Variants in ANO2 observed in about 807,000 individuals in gnomAD.
ANO2 encodes the protein anoctamin-2.
In ANO2, 101 loss-of-function variants were observed where a neutral mutation model predicts 124.2. The ratio of observed to expected loss-of-function variants is 0.81; its 90% confidence interval spans 0.69 to 0.96. ANO2 has a LOEUF of 0.96. ANO2 is among the 40% of genes least tolerant of loss of function. The probability of loss-of-function intolerance (pLI) is 0.00; values close to 1 mark genes in which losing one functional copy is unlikely to be tolerated. For missense variants in ANO2, 1,293 were observed against 1,274.5 expected (o/e 1.01, Z -0.22); for synonymous variants, 486 against 482.5 (o/e 1.01, Z -0.09).
At chr12:5,813,024 AAAAG>A (rs1301953317) in intron 7 of ANO2, among the ~76,000 whole-genome samples, 9 of 148,980 alleles carry the variant, frequency 6.0e-5, no homozygotes, top group East Asian at 2.0e-4. Flanking sequence ...GAGAAAGAAA[AAAAG>A]AAAGAGAAGA....
intron 14 of ANO2, among the ~76,000 whole-genome samples, chr12:5,664,729 C>T (rs996227667): frequency 6.6e-6 from 1 of 152,178 alleles, no homozygotes; most frequent in Non-Finnish European, 1.5e-5. Context: ...TCTGTTCTCC[C>T]CCATACTGAA....
In ANO2 at chr12:5,849,747, G is replaced by A. The variant is rs1036254388; in HGVS notation, c.633+4296C>T. Among the ~76,000 whole-genome samples, 7 of 152,056 alleles carry A rather than the reference G, an allele frequency of 4.6e-5. 1 individual carries two copies. The highest frequency in any genetic ancestry group is 2.0e-4 in the Admixed American group (3 of 15,268). On this transcript the variant is annotated intron_variant, in intron 4 of 24. Coordinates refer to ENST00000682330, the MANE Select transcript of ANO2 (RefSeq NM_001364791.2). ...CTTCCCAGTCTCTCTGGACCCCACC[G>A]AGTTATGATCCAAACCTCCACTGCC...
intron 14 of ANO2, among the ~76,000 whole-genome samples, chr12:5,656,047 T>G (rs1054275729): frequency 1.3e-5 from 2 of 152,202 alleles, no homozygotes; most frequent in Non-Finnish European, 2.9e-5. Flanking sequence ...TTCAAGGGAA[T>G]AGTGGGAGTA....
At chr12:5,655,622 A>G (rs1415156989) in intron 14 of ANO2, among the ~76,000 whole-genome samples, 3 of 152,258 alleles carry the variant, frequency 2.0e-5, no homozygotes, top group Non-Finnish European at 4.4e-5. Flanking sequence ...ATTGTTGGCA[A>G]TGTGACTGAC....
intron 14 of ANO2, among the ~76,000 whole-genome samples, chr12:5,670,130 A>C (rs1947920897): frequency 6.6e-6 from 1 of 152,218 alleles, no homozygotes; most frequent in South Asian, 2.1e-4. Flanking sequence ...CTAGGATAGC[A>C]CCATATTCCT....
Position 5,636,605 on chromosome 12 carries a change from T to TACAC in ANO2, c.1621-1262_1621-1259dup, listed in dbSNP as rs61059041. Among the ~76,000 whole-genome samples the TACAC allele has an allele frequency of 0.19, 22,273 of 118,374 alleles. 2,317 individuals are homozygous for TACAC. Among genetic ancestry groups the TACAC allele is most frequent in the East Asian group, 0.36 (1,280 of 3,564 alleles). 77.7% of individuals were successfully genotyped at this position (118,374 alleles called of 152,430 possible). A position where few individuals can be genotyped will look rare whatever the true frequency, so the allele number is the denominator to read the frequency against. Reference sequence around the variant, plus strand: ...CCTGAAAAAATAAGCTGTGCTGGACTACACACACACACACACACACACACA... The same window carrying TACAC: ...CCTGAAAAAATAAGCTGTGCTGGACTACACACACACACACACACACACACACACA... On this transcript the variant is annotated intron_variant, in intron 15 of 24. Coordinates refer to ENST00000682330, the MANE Select transcript of ANO2 (RefSeq NM_001364791.2). The surrounding 1 kb of genome is among the most constrained non-coding windows in gnomAD (Gnocchi z 4.6).
rs143234511 is a variant in ANO2 at position 5,752,602 on chromosome 12, G to A, written c.1056-1632C>T. The stretch of plus-strand genomic sequence containing the variant: ...TTTGTTTTGCCACTGAATTGTAGAA[G>A]TTCCTTATACATGTTGGATATTAAT... On this transcript the variant is annotated intron_variant, in intron 10 of 24. Transcript: ENST00000682330. 6.5e-3 allele frequency among the ~76,000 whole-genome samples: 983 copies of A among 152,264 alleles called. 11 individuals are homozygous for A. Among genetic ancestry groups the A allele is most frequent in the African/African-American group, 0.022 (896 of 41,566 alleles).
intron 14 of ANO2, among the ~76,000 whole-genome samples, chr12:5,687,696 T>G (rs546221406): frequency 1.3e-5 from 2 of 152,332 alleles, no homozygotes; most frequent in East Asian, 3.9e-4. Flanking sequence ...CCACAACACC[T>G]TTCTCCAAGG....
At chr12:5,909,123 A>T (rs1017380607) in intron 3 of ANO2, among the ~76,000 whole-genome samples, 36 of 152,332 alleles carry the variant, frequency 2.4e-4, no homozygotes, top group Admixed American at 2.0e-3. Flanking sequence ...AGCATGCTTA[A>T]TTCCACCATT....
intron 14 of ANO2, among the ~76,000 whole-genome samples, chr12:5,672,494 C>A (rs1758443128): frequency 6.6e-6 from 1 of 152,206 alleles, no homozygotes; most frequent in African/African-American, 2.4e-5. Context: ...TCACAAATGT[C>A]TCCTTCAGTT....
At chr12:5,794,432 T>C (rs774873499) in intron 10 of ANO2, among the ~76,000 whole-genome samples, 3 of 152,194 alleles carry the variant, frequency 2.0e-5, no homozygotes, top group Non-Finnish European at 4.4e-5. Context: ...TGGCTTTGAG[T>C]CAATGTGATT....
At position 5,744,223 on chromosome 12, in the gene ANO2, C is replaced by T. The variant is rs375251732; in HGVS notation, c.1285G>A (p.Ala429Thr). ...YWNLSSACGT[A>T]QASHLFDNPA... Reference sequence around the variant, plus strand: ...TTGTCAAACAGGTGGCTGGCCTGCGCGGTCCCACAGGCTGAGCTGAGGTTC... The same window carrying T: ...TTGTCAAACAGGTGGCTGGCCTGCGTGGTCCCACAGGCTGAGCTGAGGTTC... The change falls in exon 12 of 25, where the codon GCG becomes ACG. Residue 429 changes from alanine to threonine, a missense_variant. Ala to Thr is a moderately conservative substitution (Grantham distance 58). Coordinates refer to ENST00000682330, the MANE Select transcript of ANO2 (RefSeq NM_001364791.2). 175 of 1,612,704 alleles carry T rather than the reference C, an allele frequency of 1.1e-4. No individual in the cohort carries two copies. The highest frequency in any genetic ancestry group is 1.4e-4 in the Non-Finnish European group (166 of 1,179,866).
At chr12:5,848,262 G>A (rs958219365) in intron 4 of ANO2, among the ~76,000 whole-genome samples, 6 of 152,036 alleles carry the variant, frequency 3.9e-5, no homozygotes. Context: ...TTCTGTCTTG[G>A]CTACCAGAAA....
chr12:5,832,707 AT>A (rs1954195676), intron 4 of ANO2, 104 bp from the exon 5 acceptor site: 6 of 1,288,810 alleles, frequency 4.7e-6, no homozygotes, highest in Non-Finnish European at 6.3e-6. Flanking sequence ...AGAGGTGAAC[AT>A]TGGAGAGAGG....
intron 3 of ANO2, among the ~76,000 whole-genome samples, chr12:5,866,230 A>G (rs138146554): frequency 6.6e-6 from 1 of 152,228 alleles, no homozygotes; most frequent in Non-Finnish European, 1.5e-5. Flanking sequence ...GGGGGATAAC[A>G]GTGGCCATCG....
chr12:5,683,945 C>T (rs10744691), intron 14 of ANO2, among the ~76,000 whole-genome samples: 56,547 of 151,906 alleles, frequency 0.37, 12,250 homozygotes, highest in East Asian at 0.59. Context: ...TCTCTTGAGT[C>T]TACTCCATTT....
intron 14 of ANO2, among the ~76,000 whole-genome samples, chr12:5,695,711 C>T (rs1037122436): frequency 8.5e-5 from 13 of 152,210 alleles, no homozygotes; most frequent in Admixed American, 2.0e-4. Flanking sequence ...CCTGGTGGCG[C>T]GTGCCTGTAA....
chr12:5,938,718 A>T (rs3890507), intron 1 of ANO2, among the ~76,000 whole-genome samples: 4,415 of 152,126 alleles, frequency 0.029, 160 homozygotes, highest in African/African-American at 0.087. Context: ...CCAGCTACTC[A>T]GGAGGCTGAG....
intron 1 of ANO2, among the ~76,000 whole-genome samples, chr12:5,923,020 GCA>G (rs1297911108): frequency 3.4e-5 from 5 of 149,012 alleles, no homozygotes; most frequent in African/African-American, 1.2e-4. Context: ...ATACACACAC[GCA>G]CACACACATA....
Sources: allele counts gnomAD v4.1 joint callset (sites outside exome capture counted in the v4.1 genomes callset), GRCh38; gene constraint gnomAD v4.1.1; non-coding constraint Gnocchi (gnomAD v3.1); transcripts MANE v1.5; gene names NCBI Gene and HGNC (gene_info 2026-07-23, HGNC 2026-07-21).